Variants in SLCO1C1 observed in about 807,000 individuals in gnomAD.
The protein encoded by SLCO1C1 is OAT-RP-5.
Under a neutral mutation model 76.4 loss-of-function variants are expected in SLCO1C1, and 70 were observed. That is an observed-to-expected ratio of 0.92 (90% CI 0.76 to 1.12). SLCO1C1 has a LOEUF of 1.12. SLCO1C1 is among the 50% of genes most tolerant of loss of function. The pLI, the probability that SLCO1C1 is intolerant of heterozygous loss-of-function variation, is 0.00. For synonymous variants in SLCO1C1, 306 were observed against 286.1 expected (o/e 1.07, Z -0.70); for missense variants, 912 against 823.8 (o/e 1.11, Z -1.31).
chr12:20,717,648 C>T (rs1296029201), intron 7 of SLCO1C1, among the ~76,000 whole-genome samples: 25 of 42,322 alleles, frequency 5.9e-4, no homozygotes, highest in East Asian at 2.9e-3. Flanking sequence ...AACAGCCCTT[C>T]TTTTTTTTTT....
At chr12:20,744,311 G>C (rs1418702048) in intron 13 of SLCO1C1, among the ~76,000 whole-genome samples, 1 of 152,050 alleles carries the variant, frequency 6.6e-6, no homozygotes, top group Non-Finnish European at 1.5e-5. Context: ...AGCAAAAATT[G>C]TTCCAACATA....
intron 11 of SLCO1C1, 32 bp from the exon 12 acceptor site, chr12:20,740,152 A>C (rs1948736116): frequency 6.4e-7 from 1 of 1,561,546 alleles, no homozygotes; most frequent in African/African-American, 1.4e-5. Flanking sequence ...AATGTTACTG[A>C]AATAATTGGA....
Position 20,740,383 on chromosome 12 carries a change from T to A in SLCO1C1, c.1733+15T>A, listed in dbSNP as rs1389065778. 6.3e-7 allele frequency: 1 copy of A among 1,590,748 alleles called. No homozygotes were observed. Among genetic ancestry groups the A allele is most frequent in the East Asian group, 2.3e-5 (1 of 44,122 alleles). On this transcript the variant is annotated intron_variant, in intron 12 of 14. Transcript: ENST00000266509. ...TTACTTCTGAGGTGAGTACTGATTC[T>A]CCCTATTCTAATTTTAACACAAGAC...
chr12:20,748,353 T>C (rs1949143535), intron 13 of SLCO1C1, among the ~76,000 whole-genome samples: 1 of 152,178 alleles, frequency 6.6e-6, no homozygotes, highest in African/African-American at 2.4e-5. Flanking sequence ...CTCCTCTGTT[T>C]CTCTGAGCAT....
chr12:20,714,275 T>C (rs1473826602), intron 5 of SLCO1C1, among the ~76,000 whole-genome samples: 1 of 152,230 alleles, frequency 6.6e-6, no homozygotes, highest in Admixed American at 6.5e-5. Context: ...TAAAAATGCC[T>C]GCAAAGCACT....
intron 6 of SLCO1C1, among the ~76,000 whole-genome samples, chr12:20,716,515 C>A (rs2120712569): frequency 6.6e-6 from 1 of 152,296 alleles, no homozygotes; most frequent in Admixed American, 6.5e-5. Context: ...GAAGAACTAC[C>A]TTTCTGGTTA....
At chr12:20,713,202 C>T (rs1199875946) in intron 5 of SLCO1C1, among the ~76,000 whole-genome samples, 2 of 151,376 alleles carry the variant, frequency 1.3e-5, no homozygotes, top group African/African-American at 4.9e-5. Flanking sequence ...GCCTCAGCCT[C>T]CCGAGTAGCT....
At chr12:20,712,450 T>C (rs1947156044) in intron 5 of SLCO1C1, among the ~76,000 whole-genome samples, 2 of 152,124 alleles carry the variant, frequency 1.3e-5, no homozygotes, top group Admixed American at 1.3e-4. Context: ...AATTTGTCCA[T>C]AGGTGTTTAC....
intron 2 of SLCO1C1, chr12:20,700,326 C>A (rs190573577): frequency 8.6e-5 from 13 of 151,862 alleles, no homozygotes; most frequent in African/African-American, 2.4e-4. Flanking sequence ...TGATGTTGAG[C>A]ACCTTTTTCA....
rs1555122286 is a variant in SLCO1C1, at chr12:20,710,223, T to TTTTTTC, written c.405-1161_405-1160insTTTCTT. 8.3e-4 allele frequency among the ~76,000 whole-genome samples: 111 copies of TTTTTTC among 133,832 alleles called. 19 individuals carry two copies. Among genetic ancestry groups the TTTTTTC allele is most frequent in the Middle Eastern group, 7.9e-3 (2 of 254 alleles). 87.8% of individuals were successfully genotyped at this position (133,832 alleles called of 152,430 possible). On this transcript the variant is annotated intron_variant, in intron 4 of 14. Transcript: ENST00000266509. The stretch of plus-strand genomic sequence containing the variant: ...TTCTTTTTTTTTTTTTTTTTTTTTT[T>TTTTTTC]TTGAGATGGAGTCTCGCTCTGTCGC...
chr12:20,722,126 TCTTCC>T, intron 8 of SLCO1C1, 77 bp downstream of exon 8: 1 of 1,496,348 alleles, frequency 6.7e-7, no homozygotes, highest in Non-Finnish European at 8.9e-7. Flanking sequence ...TACATCCCTC[TCTTCC>T]CTTCGTGTAT....
intron 13 of SLCO1C1, among the ~76,000 whole-genome samples, chr12:20,749,861 T>C (rs17379695): frequency 0.079 from 11,968 of 152,256 alleles, 582 homozygotes; most frequent in Middle Eastern, 0.13. Context: ...CAAAATGAAC[T>C]GAAGGAAAAC....
rs1947099037 is a variant in SLCO1C1, at chr12:20,711,520, T to C, written c.529+10T>C. The C allele has an allele frequency of 6.2e-7, 1 of 1,605,232 alleles. No individual in the cohort carries two copies. ...TCCAAAATAAGTAACGGTAAGATCATTTTTTTGACTTGACTAAACAAGCTT... is the reference window on the plus strand; with the variant it reads ...TCCAAAATAAGTAACGGTAAGATCACTTTTTTGACTTGACTAAACAAGCTT... On this transcript the variant is annotated intron_variant, in intron 5 of 14. Coordinates refer to ENST00000266509, the MANE Select transcript of SLCO1C1 (RefSeq NM_017435.5).
chr12:20,733,089 CTG>C lies in SLCO1C1; in HGVS notation c.1369_1370del (p.Val457LeufsTer12). 6.3e-7 allele frequency: 1 copy of C among 1,586,186 alleles called. No homozygotes were observed. Among genetic ancestry groups the C allele is most frequent in the Non-Finnish European group, 8.6e-7 (1 of 1,168,958 alleles). On this transcript the variant is annotated frameshift_variant, in exon 10 of 15. Coordinates refer to ENST00000266509, the MANE Select transcript of SLCO1C1 (RefSeq NM_017435.5). LOFTEE classifies it high-confidence loss of function. ...GAAAATTCTGATGTGGCAGGACTAA[CTG>C]TCTCCTACCAAGGGTATGTTCCCTC...
At chr12:20,699,367 A>G (rs1194331391) in intron 1 of SLCO1C1, among the ~76,000 whole-genome samples, 185 bp from the exon 2 acceptor site, 1 of 152,054 alleles carries the variant, frequency 6.6e-6, no homozygotes, top group East Asian at 1.9e-4. Flanking sequence ...GAGTTCCAAT[A>G]GCAGGATTAG....
At chr12:20,703,287 G>A (rs1285690587) in intron 3 of SLCO1C1, among the ~76,000 whole-genome samples, 3 of 151,768 alleles carry the variant, frequency 2.0e-5, no homozygotes, top group African/African-American at 7.3e-5. Flanking sequence ...TTTGTATGTG[G>A]CAACTTTGTT....
At position 20,723,201 on chromosome 12, in the gene SLCO1C1, A is replaced by G. The variant is rs771698962; in HGVS notation, c.1133A>G (p.Lys378Arg). The G allele has an allele frequency of 3.7e-6, 6 of 1,614,106 alleles. No homozygotes were observed. In the South Asian group the frequency reaches 6.6e-5, roughly 18 times the overall value. The change falls in exon 9 of 15, where the codon AAG (lysine) becomes AGG (arginine). Residue 378 changes from lysine to arginine, a missense_variant. Physicochemically the swap from Lys to Arg is conservative, Grantham distance 26. Transcript: ENST00000266509. ...SLFGMVTYKP[K>R]YIEQQYGQSS... ...TTCGGCATGGTGACGTACAAACCAA[A>G]GTACATTGAGCAGCAGTATGGACAG... is the stretch of plus-strand genomic sequence containing the variant.
intron 9 of SLCO1C1, among the ~76,000 whole-genome samples, chr12:20,732,679 TG>T (rs1455642729): frequency 6.6e-6 from 1 of 152,204 alleles, no homozygotes; most frequent in African/African-American, 2.4e-5. Context: ...TTGATTCATT[TG>T]GTATTTATTA....
At chr12:20,750,865 C>T (rs1212469134) in intron 14 of SLCO1C1, 73 bp downstream of exon 14, 2 of 1,613,854 alleles carry the variant, frequency 1.2e-6, no homozygotes, top group East Asian at 4.5e-5. Context: ...CTGACACTAA[C>T]AAGTTTTCAT....
Sources: allele counts gnomAD v4.1 joint callset (sites outside exome capture counted in the v4.1 genomes callset), GRCh38; gene constraint gnomAD v4.1.1; transcripts MANE v1.5; gene names NCBI Gene and HGNC (gene_info 2026-07-23, HGNC 2026-07-21).